The following CAST variants were observed in gnomAD, a reference collection of about 807,000 sequenced individuals.
CAST encodes calpastatin.
A neutral mutation model predicts 119.6 loss-of-function variants in CAST; 76 were observed. The ratio of observed to expected loss-of-function variants is 0.64; its 90% CI spans 0.53 to 0.77. The LOEUF (loss-of-function observed/expected upper bound fraction) is 0.77, where lower values mean the gene tolerates loss of function less well. Ranked by LOEUF, CAST falls within the 30% of genes least tolerant of loss-of-function variation. The probability of loss-of-function intolerance (pLI) is 0.00; values close to 1 mark genes in which losing one functional copy is unlikely to be tolerated. For missense variants in CAST, 953 were observed against 946.5 expected (o/e 1.01, Z -0.09); for synonymous variants, 319 against 331.6 (o/e 0.96, Z 0.41).
the CAST span, among the ~76,000 whole-genome samples, chr5:96,469,436 AT>A: frequency 6.6e-6 from 1 of 152,036 alleles, no homozygotes; most frequent in South Asian, 2.1e-4. Flanking sequence ...TCCTATAGGA[AT>A]TTGACTGCCA....
chr5:96,470,816 T>G, the CAST span, among the ~76,000 whole-genome samples: 15 of 152,200 alleles, frequency 9.9e-5, no homozygotes, highest in African/African-American at 3.6e-4. Context: ...CAGCTTACCT[T>G]AAGAGTCACT....
intron 4 of CAST, among the ~76,000 whole-genome samples, chr5:96,724,213 G>A (rs192239437): frequency 2.6e-5 from 4 of 151,324 alleles, no homozygotes; most frequent in East Asian, 1.9e-4. Flanking sequence ...GCAGGGTCTC[G>A]CTCTGTCTTC....
chr5:96,557,870 A>G (rs1043570040), intron 1 of CAST, among the ~76,000 whole-genome samples: 3 of 152,232 alleles, frequency 2.0e-5, no homozygotes, highest in African/African-American at 7.2e-5. Context: ...AGAAATCTAC[A>G]GAACTCTCCA....
At chr5:96,363,615 C>T in the CAST span, among the ~76,000 whole-genome samples, 64 of 152,228 alleles carry the variant, frequency 4.2e-4, no homozygotes, top group Admixed American at 9.8e-4. Flanking sequence ...TAGGAGTTCA[C>T]TCATGATTTG....
At chr5:96,158,961 C>CTA in the CAST span, among the ~76,000 whole-genome samples, 1 of 152,176 alleles carries the variant, frequency 6.6e-6, no homozygotes, top group African/African-American at 2.4e-5. Context: ...CTTAGCAACA[C>CTA]TAGTGATATT....
the CAST span, among the ~76,000 whole-genome samples, chr5:96,189,389 C>T: frequency 2.6e-5 from 4 of 152,252 alleles, no homozygotes; most frequent in East Asian, 7.7e-4. Flanking sequence ...CAAAAACTTT[C>T]CCCTCAGAGC....
the CAST span, among the ~76,000 whole-genome samples, chr5:96,416,999 A>G: frequency 0.025 from 3,753 of 152,304 alleles, 152 homozygotes; most frequent in African/African-American, 0.086. Flanking sequence ...ATTTTATTCT[A>G]TTGTGGAAAC....
At chr5:96,013,212 A>G in the CAST span, among the ~76,000 whole-genome samples, 1 of 150,602 alleles carries the variant, frequency 6.6e-6, no homozygotes, top group Admixed American at 6.6e-5. Flanking sequence ...TTTTTGCTCC[A>G]AGCCCTGTTC....
the CAST span, among the ~76,000 whole-genome samples, chr5:96,452,649 A>T: frequency 1.5e-3 from 143 of 95,964 alleles, no homozygotes; most frequent in African/African-American, 4.9e-3. Context: ...ATAAAAAAAA[A>T]AAAAAAAAAA....
chr5:96,415,322 T>C, the CAST span, among the ~76,000 whole-genome samples: 2 of 152,218 alleles, frequency 1.3e-5, no homozygotes, highest in African/African-American at 4.8e-5. Context: ...TCTGTTGTTG[T>C]ACTCAAGGCC....
At chr5:96,559,617 G>C (rs569459940) in intron 1 of CAST, among the ~76,000 whole-genome samples, 1 of 152,248 alleles carries the variant, frequency 6.6e-6, no homozygotes, top group East Asian at 1.9e-4. Flanking sequence ...GCTTCAAAGA[G>C]AATAAAATAC....
the CAST span, chr5:96,319,133 T>C: frequency 6.6e-6 from 1 of 152,226 alleles, no homozygotes; most frequent in Non-Finnish European, 1.5e-5. Flanking sequence ...GCATGTCACA[T>C]GGCAAGAGAG....
intron 11 of CAST, among the ~76,000 whole-genome samples, chr5:96,739,462 G>T (rs1271630300): frequency 6.6e-6 from 1 of 152,186 alleles, no homozygotes; most frequent in Non-Finnish European, 1.5e-5. Context: ...ATGATATGTA[G>T]AATATGATAC....
chr5:96,555,580 C>T (rs142646887), intron 1 of CAST, among the ~76,000 whole-genome samples: 1 of 152,174 alleles, frequency 6.6e-6, no homozygotes. Flanking sequence ...GACATTATAT[C>T]CCGCACCTGG....
the CAST span, among the ~76,000 whole-genome samples, chr5:96,014,098 A>C: frequency 1.3e-5 from 2 of 151,908 alleles, no homozygotes; most frequent in African/African-American, 4.8e-5. Context: ...ACAGCTGTAC[A>C]ATAATATTTT....
chr5:96,755,120 C>T, intron 22 of CAST: 1 of 157,912 alleles, frequency 6.3e-6, no homozygotes, highest in Non-Finnish European at 1.4e-5. Context: ...GCAGGAGCAT[C>T]TCTTGAGCCC....
chr5:96,444,910 C>T, the CAST span, among the ~76,000 whole-genome samples: 2 of 152,066 alleles, frequency 1.3e-5, no homozygotes, highest in South Asian at 2.1e-4. Context: ...AAAGAAAATC[C>T]GTAATCATTT....
At chr5:96,505,127 G>A in the CAST span, among the ~76,000 whole-genome samples, 3 of 152,272 alleles carry the variant, frequency 2.0e-5, no homozygotes, top group East Asian at 3.9e-4. Flanking sequence ...TAAAGGAGCC[G>A]AACTGCTGGA....
chr5:96,293,620 CTCTT>C, the CAST span, among the ~76,000 whole-genome samples: 2 of 151,706 alleles, frequency 1.3e-5, no homozygotes, highest in Admixed American at 6.6e-5. Context: ...TTAGGGGTTC[CTCTT>C]TCTTCTCCTT....
Sources: allele counts gnomAD v4.1 joint callset (sites outside exome capture counted in the v4.1 genomes callset), GRCh38; gene constraint gnomAD v4.1.1; transcripts MANE v1.5; gene names NCBI Gene and HGNC (gene_info 2026-07-23, HGNC 2026-07-21).